The following PDZRN4 variants were observed in gnomAD, a reference collection of about 807,000 sequenced individuals.
The protein encoded by PDZRN4 is PDZ domain containing ring finger 4.
In PDZRN4, 70 loss-of-function variants were observed where a neutral mutation model predicts 99.0. That is an observed-to-expected ratio of 0.71 (90% CI 0.58 to 0.86). The LOEUF (loss-of-function observed/expected upper bound fraction) is 0.86, where lower values mean the gene tolerates loss of function less well. Among genes scored for constraint, PDZRN4 ranks in the 40% least tolerant of loss-of-function variants. The pLI is 0.00. For synonymous variants in PDZRN4, 551 were observed against 501.6 expected (o/e 1.10, Z -1.32); for missense variants, 1,474 against 1,331.2 (o/e 1.11, Z -1.67).
At chr12:41,556,412 T>G (rs1939163444) in intron 7 of PDZRN4, among the ~76,000 whole-genome samples, 1 of 152,236 alleles carries the variant, frequency 6.6e-6, no homozygotes. Context: ...TTAGGCTAGC[T>G]GGCGTAGCCT....
chr12:41,317,757 GGAC>G, intron 3 of PDZRN4, among the ~76,000 whole-genome samples: 1 of 152,002 alleles, frequency 6.6e-6, no homozygotes, highest in Non-Finnish European at 1.5e-5. Context: ...AGTTATACAT[GGAC>G]TCCGGGCTCC....
At chr12:41,460,131 CAT>C (rs1952857270) in intron 3 of PDZRN4, 2 of 1,200,556 alleles carry the variant, frequency 1.7e-6, no homozygotes, top group Non-Finnish European at 1.1e-6. Flanking sequence ...CTGCCTACCA[CAT>C]GTTTTTACTG....
At chr12:41,199,595 C>G (rs189610776) in intron 3 of PDZRN4, among the ~76,000 whole-genome samples, 3 of 152,094 alleles carry the variant, frequency 2.0e-5, no homozygotes, top group Non-Finnish European at 2.9e-5. Flanking sequence ...AGCAAAGTCA[C>G]GGAATCAACC....
intron 3 of PDZRN4, among the ~76,000 whole-genome samples, chr12:41,381,395 T>G (rs1301238366): frequency 1.3e-5 from 2 of 152,086 alleles, no homozygotes; most frequent in African/African-American, 4.8e-5. Context: ...GCCTTAAGTC[T>G]TGCAGATTTT....
intron 3 of PDZRN4, among the ~76,000 whole-genome samples, chr12:41,438,456 T>A (rs1451896891): frequency 3.3e-5 from 5 of 152,200 alleles, no homozygotes; most frequent in African/African-American, 7.2e-5. Context: ...CCATAGGAAA[T>A]TATTGGATGA....
chr12:41,245,912 T>C (rs756178174), intron 3 of PDZRN4, among the ~76,000 whole-genome samples: 1 of 152,014 alleles, frequency 6.6e-6, no homozygotes, highest in South Asian at 2.1e-4. Context: ...CTCAGTCCAG[T>C]TGGGTGATAG....
chr12:41,311,374 G>A (rs1951605810), intron 3 of PDZRN4, among the ~76,000 whole-genome samples: 2 of 152,030 alleles, frequency 1.3e-5, no homozygotes, highest in African/African-American at 4.8e-5. Context: ...TAGGAGTTCA[G>A]AATGAGGCGG....
chr12:41,201,575 C>A (rs768330130), intron 3 of PDZRN4, among the ~76,000 whole-genome samples: 11 of 152,040 alleles, frequency 7.2e-5, no homozygotes, highest in Admixed American at 3.3e-4. Context: ...TGTGAATTTT[C>A]TTTGAATGAT....
intron 3 of PDZRN4, among the ~76,000 whole-genome samples, chr12:41,439,674 A>G (rs1952660686): frequency 6.6e-6 from 1 of 152,176 alleles, no homozygotes; most frequent in Admixed American, 6.6e-5. Flanking sequence ...AATCTTGAGA[A>G]AATAGATAAG....
At chr12:41,382,960 A>G (rs1057051640) in intron 3 of PDZRN4, among the ~76,000 whole-genome samples, 1 of 152,132 alleles carries the variant, frequency 6.6e-6, no homozygotes, top group African/African-American at 2.4e-5. Flanking sequence ...TAACCTTTTC[A>G]TATGTTTTTT....
At chr12:41,369,969 C>T (rs1952029056) in intron 3 of PDZRN4, among the ~76,000 whole-genome samples, 1 of 151,828 alleles carries the variant, frequency 6.6e-6, no homozygotes, top group Admixed American at 6.6e-5. Context: ...CTTTTGTATG[C>T]ATACTTGATC....
intron 5 of PDZRN4, among the ~76,000 whole-genome samples, chr12:41,516,587 T>A (rs1938404308): frequency 6.6e-6 from 1 of 152,114 alleles, no homozygotes; most frequent in African/African-American, 2.4e-5. Context: ...GGATTTTTAT[T>A]GTTTCTATTT....
chr12:41,243,701 T>C (rs1951115133), intron 3 of PDZRN4, among the ~76,000 whole-genome samples: 1 of 152,222 alleles, frequency 6.6e-6, no homozygotes, highest in Non-Finnish European at 1.5e-5. Flanking sequence ...TTTCTTACTA[T>C]GTGTTACAGA....
chr12:41,435,794 GTAAAATAAAA>G (rs1007569405), intron 3 of PDZRN4, among the ~76,000 whole-genome samples: 10 of 151,924 alleles, frequency 6.6e-5, no homozygotes, highest in African/African-American at 2.2e-4. Flanking sequence ...TCTCAAAAAA[GTAAAATAAAA>G]TAAAATAAAA....
chr12:41,570,610 G>T (rs993021499), intron 9 of PDZRN4, among the ~76,000 whole-genome samples: 1 of 151,930 alleles, frequency 6.6e-6, no homozygotes, highest in Non-Finnish European at 1.5e-5. Flanking sequence ...TAGTCTTCTT[G>T]TATTTTTCAG....
At chr12:41,283,358 A>G (rs1372588911) in intron 3 of PDZRN4, among the ~76,000 whole-genome samples, 2 of 152,192 alleles carry the variant, frequency 1.3e-5, no homozygotes, top group Non-Finnish European at 2.9e-5. Context: ...TCTGAAATTG[A>G]GGCAGTAATT....
At chr12:41,254,174 A>C (rs917523484) in intron 3 of PDZRN4, among the ~76,000 whole-genome samples, 1 of 152,072 alleles carries the variant, frequency 6.6e-6, no homozygotes, top group Non-Finnish European at 1.5e-5. Flanking sequence ...ATTTCAAAGG[A>C]AAAAGGAAAA....
chr12:41,425,191 C>T (rs527805082), intron 3 of PDZRN4, among the ~76,000 whole-genome samples: 1 of 152,110 alleles, frequency 6.6e-6, no homozygotes, highest in East Asian at 1.9e-4. Flanking sequence ...GTTTTTAAAA[C>T]TTAAAACATT....
chr12:41,510,007 T>A, intron 5 of PDZRN4, 94 bp downstream of exon 5: 1 of 629,950 alleles, frequency 1.6e-6, no homozygotes, highest in Non-Finnish European at 2.8e-6. Context: ...CAGTGAGAAA[T>A]GTCTTGTCTA....
Sources: allele counts gnomAD v4.1 joint callset (sites outside exome capture counted in the v4.1 genomes callset), GRCh38; gene constraint gnomAD v4.1.1; transcripts MANE v1.5; gene names NCBI Gene and HGNC (gene_info 2026-07-23, HGNC 2026-07-21).